Variants in PCDH11Y observed in about 807,000 individuals in gnomAD.
The protein encoded by PCDH11Y is protocadherin 11 Y-linked, also known as protocadherin-11 Y-linked.
For missense variants in PCDH11Y, 12 were observed against 224.8 expected (o/e 0.05, Z 6.05); for synonymous variants, 9 against 83.6 (o/e 0.11, Z 4.87).
intron 2 of PCDH11Y, among the ~76,000 whole-genome samples, chrY:5,417,435 A>T: frequency 3.1e-5 from 1 of 32,329 alleles, no homozygotes; most frequent in Non-Finnish European, 7.5e-5. Flanking sequence ...GGTGAGAGGC[A>T]TGATAAAATA....
intron 1 of PCDH11Y, among the ~76,000 whole-genome samples, chrY:5,013,064 C>T (rs2052555212): frequency 3.2e-5 from 1 of 31,120 alleles, no homozygotes; most frequent in Non-Finnish European, 7.8e-5. Flanking sequence ...TTCTCGATCT[C>T]CTGACCTCGT....
intron 4 of PCDH11Y, among the ~76,000 whole-genome samples, chrY:5,619,836 G>GT: frequency 3.4e-5 from 1 of 29,239 alleles, no homozygotes. Flanking sequence ...AAATCAATAA[G>GT]TTTTTTTAAA....
chrY:5,202,431 C>T, intron 2 of PCDH11Y, among the ~76,000 whole-genome samples: 6 of 33,043 alleles, frequency 1.8e-4, no homozygotes, highest in East Asian at 8.1e-4. Flanking sequence ...TTAAACCTTC[C>T]TTAGACAGTT....
At chrY:5,232,533 C>A (rs2052968995) in intron 2 of PCDH11Y, among the ~76,000 whole-genome samples, 33 of 31,903 alleles carry the variant, frequency 1.0e-3, no homozygotes, top group Non-Finnish European at 4.6e-4. Context: ...AGTGCCTTAT[C>A]CTGCTGTGGT....
chrY:5,154,626 GGT>G (rs61014486), intron 2 of PCDH11Y, among the ~76,000 whole-genome samples: 7 of 27,595 alleles, frequency 2.5e-4, no homozygotes, highest in East Asian at 1.8e-3. Flanking sequence ...AAGCTTTAGT[GGT>G]GTGTGTGTGT....
downstream of PCDH11Y, among the ~76,000 whole-genome samples, chrY:5,108,574 C>T: frequency 3.4e-5 from 1 of 29,596 alleles, no homozygotes; most frequent in Non-Finnish European, 8.0e-5. Context: ...AGTGAAACCT[C>T]GTCTCTACTA....
intron 2 of PCDH11Y, among the ~76,000 whole-genome samples, chrY:5,229,412 T>C: frequency 3.8e-5 from 1 of 26,146 alleles, no homozygotes; most frequent in African/African-American, 1.5e-4. Context: ...ACCTCCCAGG[T>C]TCACGCCATT....
chrY:5,555,751 G>C, intron 3 of PCDH11Y, among the ~76,000 whole-genome samples: 1 of 29,673 alleles, frequency 3.4e-5, no homozygotes, highest in African/African-American at 1.3e-4. Context: ...AAGTTGCCCA[G>C]TTTTGAGTAT....
At chrY:5,675,890 T>C in intron 4 of PCDH11Y, among the ~76,000 whole-genome samples, 1 of 31,648 alleles carries the variant, frequency 3.2e-5, no homozygotes, top group Non-Finnish European at 7.7e-5. Context: ...CAGGTGCACA[T>C]TGCAATCTGT....
chrY:5,410,192 ACCTCAT>A (rs2053245303), intron 2 of PCDH11Y, among the ~76,000 whole-genome samples: 1 of 31,620 alleles, frequency 3.2e-5, no homozygotes, highest in East Asian at 8.4e-4. Context: ...ACATGGTGAA[ACCTCAT>A]CTCTACTAAA....
At chrY:5,362,918 A>G (rs2053175915) in intron 2 of PCDH11Y, among the ~76,000 whole-genome samples, 1 of 32,033 alleles carries the variant, frequency 3.1e-5, no homozygotes, top group South Asian at 6.9e-4. Flanking sequence ...TTTTAATGGT[A>G]TGTTATGAAA....
chrY:5,365,505 T>A, intron 2 of PCDH11Y, among the ~76,000 whole-genome samples: 4 of 33,298 alleles, frequency 1.2e-4, no homozygotes, highest in African/African-American at 4.6e-4. Context: ...GACGAGTACA[T>A]AAAAAAGCTA....
chrY:5,329,586 G>A (rs2053127445), intron 2 of PCDH11Y, among the ~76,000 whole-genome samples: 1 of 32,894 alleles, frequency 3.0e-5, no homozygotes. Flanking sequence ...CTTGAAACGT[G>A]AGTGTATAAT....
At chrY:5,187,125 C>T in intron 2 of PCDH11Y, among the ~76,000 whole-genome samples, 1 of 34,166 alleles carries the variant, frequency 2.9e-5, no homozygotes, top group African/African-American at 1.1e-4. Context: ...ATGCCTTGGG[C>T]AGCTCCATCC....
chrY:5,316,306 A>G (rs2053107100), intron 2 of PCDH11Y, among the ~76,000 whole-genome samples: 1 of 33,369 alleles, frequency 3.0e-5, no homozygotes, highest in African/African-American at 1.2e-4. Context: ...GATCAATAGA[A>G]AGGAAATGCT....
In PCDH11Y at chrY:5,046,998, C is replaced by T. The variant is rs370889895; in HGVS notation, c.33-9891C>T. 4.7e-3 allele frequency among the ~76,000 whole-genome samples: 160 copies of T among 33,725 alleles called. No homozygotes were observed. In the South Asian group the frequency reaches 0.097, roughly 21 times the overall value. The allele number at this position is 33,725 out of a possible 37,273, so 90.5% of individuals were successfully genotyped here. On this transcript the variant is annotated intron_variant, in intron 3 of 5. Coordinates refer to the PCDH11Y transcript ENST00000333703. Reference sequence around the variant, plus strand: ...GCGCACGGTGCGCGCACCCATTGACCTGCGCCCACTGTGTGGCACTCCCTA... The same window carrying T: ...GCGCACGGTGCGCGCACCCATTGACTTGCGCCCACTGTGTGGCACTCCCTA...
chrY:5,497,215 C>T (rs2053345948), intron 2 of PCDH11Y, among the ~76,000 whole-genome samples: 3 of 33,283 alleles, frequency 9.0e-5, no homozygotes, highest in African/African-American at 1.2e-4. Context: ...CTTGAGGAAT[C>T]GCCACACTGT....
chrY:5,461,781 T>G (rs2053303942), intron 2 of PCDH11Y, among the ~76,000 whole-genome samples: 1 of 33,047 alleles, frequency 3.0e-5, no homozygotes, highest in Admixed American at 2.8e-4. Context: ...GATTCCTAGG[T>G]GTCATGGCAT....
intron 4 of PCDH11Y, among the ~76,000 whole-genome samples, chrY:5,597,836 A>AGGGGT (rs2053469129): frequency 3.1e-5 from 1 of 32,233 alleles, no homozygotes; most frequent in Non-Finnish European, 7.6e-5. Context: ...AGGGTAGGAG[A>AGGGGT]GGGGTGAGAA....
Sources: gnomAD v4.1 joint callset for allele counts (sites outside exome capture counted in the v4.1 genomes callset) on GRCh38, gnomAD v4.1.1 for gene constraint, MANE v1.5 for transcripts, NCBI Gene and HGNC (gene_info 2026-07-23, HGNC 2026-07-21) for gene names.